The following PTPRZ1 variants were observed in gnomAD, a reference collection of about 807,000 sequenced individuals.
The protein encoded by PTPRZ1 is receptor-type tyrosine-protein phosphatase zeta.
Under a neutral mutation model 214.1 loss-of-function variants are expected in PTPRZ1, and 82 were observed. The ratio of observed to expected loss-of-function variants is 0.38; its 90% CI spans 0.32 to 0.46. The LOEUF (loss-of-function observed/expected upper bound fraction) is 0.46. Ranked by LOEUF, PTPRZ1 falls within the 20% of genes least tolerant of loss-of-function variation. The pLI, the probability that PTPRZ1 is intolerant of heterozygous loss-of-function variation, is 1.00. For synonymous variants in PTPRZ1, 945 were observed against 987.9 expected (o/e 0.96, Z 0.81); for missense variants, 2,603 against 2,748.7 (o/e 0.95, Z 1.19).
chr7:121,998,397 A>G (rs959999190), intron 10 of PTPRZ1, among the ~76,000 whole-genome samples: 2 of 152,174 alleles, frequency 1.3e-5, no homozygotes, highest in African/African-American at 2.4e-5. Flanking sequence ...AAGTGTATAC[A>G]TGATCCTAAG....
chr7:121,883,248 T>C (rs1794295868), intron 1 of PTPRZ1, among the ~76,000 whole-genome samples: 1 of 152,216 alleles, frequency 6.6e-6, no homozygotes, highest in Non-Finnish European at 1.5e-5. Context: ...ATGATTATTT[T>C]TTTTAGAGAT....
At chr7:122,020,351 G>A (rs935793443) in intron 13 of PTPRZ1, among the ~76,000 whole-genome samples, 1 of 152,176 alleles carries the variant, frequency 6.6e-6, no homozygotes, top group South Asian at 2.1e-4. Flanking sequence ...ACACAAAAGT[G>A]TATGCGTAGC....
intron 1 of PTPRZ1, among the ~76,000 whole-genome samples, chr7:121,892,921 A>G (rs1794683107): frequency 6.6e-6 from 1 of 151,774 alleles, no homozygotes; most frequent in Non-Finnish European, 1.5e-5. Context: ...TGATTAGAAA[A>G]TTATACACAA....
intron 2 of PTPRZ1, among the ~76,000 whole-genome samples, chr7:121,966,223 G>A (rs958452138): frequency 6.6e-6 from 1 of 152,198 alleles, no homozygotes; most frequent in African/African-American, 2.4e-5. Context: ...TAGGTTCCCA[G>A]TAGAGAGAAT....
intron 1 of PTPRZ1, among the ~76,000 whole-genome samples, chr7:121,900,195 G>A (rs990450784): frequency 6.6e-6 from 1 of 152,104 alleles, no homozygotes; most frequent in African/African-American, 2.4e-5. Flanking sequence ...TAAGCAGAAG[G>A]GGTGAACTGA....
At chr7:122,032,957 A>G (rs969251359) in intron 15 of PTPRZ1, among the ~76,000 whole-genome samples, 1 of 152,134 alleles carries the variant, frequency 6.6e-6, no homozygotes, top group Non-Finnish European at 1.5e-5. Context: ...GTTAACTGAT[A>G]GAAATTATCA....
intron 1 of PTPRZ1, among the ~76,000 whole-genome samples, chr7:121,881,004 T>G (rs1245300074): frequency 1.3e-5 from 2 of 152,178 alleles, no homozygotes; most frequent in African/African-American, 2.4e-5. Context: ...ACTTACTTGG[T>G]GTTATGGACT....
chr7:122,038,307 C>A lies in PTPRZ1; in HGVS notation c.5368-448C>A, dbSNP rs553186199. On this transcript the variant is annotated intron_variant, in intron 18 of 29. Transcript: ENST00000393386. ...TAATAATGATTAGCACTTCTCAGCACGTTGAAGTAGAGTAAGGAGGTTACA... is the reference window on the plus strand; with the variant it reads ...TAATAATGATTAGCACTTCTCAGCAAGTTGAAGTAGAGTAAGGAGGTTACA... 5.3e-5 allele frequency among the ~76,000 whole-genome samples: 8 copies of A among 152,154 alleles called. No homozygotes were observed. In the South Asian group the frequency reaches 1.0e-3, roughly 20 times the overall value.
At chr7:121,956,201 T>G (rs1208779852) in intron 2 of PTPRZ1, among the ~76,000 whole-genome samples, 1 of 152,128 alleles carries the variant, frequency 6.6e-6, no homozygotes, top group Non-Finnish European at 1.5e-5. Flanking sequence ...CAAACATTTC[T>G]TAAAAATTGA....
rs1207484217 is a variant in PTPRZ1, at chr7:121,983,844, A to C, written c.777+22A>C. The C allele has an allele frequency of 3.1e-6, 5 of 1,605,174 alleles. No homozygotes were observed. The South Asian group carries it at 4.4e-5, about 14-fold the overall frequency. ...CCAGGTAATCTTAGAAATTCAAACA[A>C]ATCAAGTAATTCAAAGCCATTTAAA... On this transcript the variant is annotated intron_variant, in intron 7 of 29. Coordinates refer to ENST00000393386, the MANE Select transcript of PTPRZ1 (RefSeq NM_002851.3).
intron 8 of PTPRZ1, among the ~76,000 whole-genome samples, chr7:121,987,623 C>T (rs1426006431): frequency 6.6e-6 from 1 of 152,068 alleles, no homozygotes; most frequent in African/African-American, 2.4e-5. Context: ...GATGGTATCT[C>T]ATTGTGGTTT....
intron 1 of PTPRZ1, among the ~76,000 whole-genome samples, chr7:121,912,574 G>A (rs570166102): frequency 6.5e-4 from 99 of 152,290 alleles, no homozygotes; most frequent in African/African-American, 2.3e-3. Context: ...TGGTAAAGAA[G>A]CGGGTGAGAC....
At chr7:122,051,353 G>C in intron 23 of PTPRZ1, 75 bp from the exon 24 acceptor site, 1 of 940,624 alleles carries the variant, frequency 1.1e-6, no homozygotes, top group Middle Eastern at 2.2e-4. Context: ...GTGTGTGTCT[G>C]TATGTATGTG....
intron 1 of PTPRZ1, among the ~76,000 whole-genome samples, chr7:121,883,139 A>G (rs1400176737): frequency 6.6e-6 from 1 of 152,164 alleles, no homozygotes; most frequent in Non-Finnish European, 1.5e-5. Context: ...GAAACTCTTA[A>G]ATTTGTTAAG....
At chr7:121,958,665 C>T (rs1796783281) in intron 2 of PTPRZ1, among the ~76,000 whole-genome samples, 1 of 152,144 alleles carries the variant, frequency 6.6e-6, no homozygotes, top group Non-Finnish European at 1.5e-5. Flanking sequence ...AATTCAAAGT[C>T]TTTCTATTCA....
At chr7:121,961,329 C>T (rs187817836) in intron 2 of PTPRZ1, among the ~76,000 whole-genome samples, 9 of 152,300 alleles carry the variant, frequency 5.9e-5, no homozygotes, top group Non-Finnish European at 1.0e-4. Flanking sequence ...CTAAGCTGGC[C>T]TGCTCACTGC....
At chr7:121,874,481 G>A (rs1412830527) in intron 1 of PTPRZ1, among the ~76,000 whole-genome samples, 1 of 152,118 alleles carries the variant, frequency 6.6e-6, no homozygotes, top group Admixed American at 6.5e-5. Flanking sequence ...AAGTTACAAA[G>A]TGTTGTACTT....
chr7:121,904,692 A>C (rs952815537), intron 1 of PTPRZ1, among the ~76,000 whole-genome samples: 3 of 152,130 alleles, frequency 2.0e-5, no homozygotes, highest in African/African-American at 7.2e-5. Context: ...TAAGATTTGA[A>C]AGGATAGATT....
chr7:122,006,702 G>A (rs548251014), intron 11 of PTPRZ1, among the ~76,000 whole-genome samples: 3 of 151,860 alleles, frequency 2.0e-5, no homozygotes, highest in African/African-American at 7.2e-5. Context: ...TGTAGTCAGA[G>A]AAAAGTTCCT....
Sources: allele counts gnomAD v4.1 joint callset (sites outside exome capture counted in the v4.1 genomes callset), GRCh38; gene constraint gnomAD v4.1.1; transcripts MANE v1.5; gene names NCBI Gene and HGNC (gene_info 2026-07-23, HGNC 2026-07-21).